FHIT: variants seen among roughly 807,000 people sequenced by gnomAD.
FHIT encodes the protein fragile histidine triad diadenosine triphosphatase.
Under a neutral mutation model 17.9 loss-of-function variants are expected in FHIT, and 19 were observed. The observed-to-expected ratio is 1.06, with a 90% CI of 0.74 to 1.56. The LOEUF (loss-of-function observed/expected upper bound fraction) is 1.56. Among genes scored for constraint, FHIT ranks in the 40% most tolerant of loss-of-function variants. The pLI is 0.00. For missense variants in FHIT, 248 were observed against 189.2 expected, an observed-to-expected ratio of 1.31 and a Z score of -1.82; for synonymous variants, 81 against 69.7, an observed-to-expected ratio of 1.16 and a Z score of -0.81.
chr3:60,962,937 G>A (rs964690397), intron 3 of FHIT, among the ~76,000 whole-genome samples: 3 of 152,202 alleles, frequency 2.0e-5, no homozygotes. Context: ...GACAATGCTG[G>A]CCGCATAAAA....
chr3:60,583,588 A>G (rs782378855), intron 4 of FHIT, among the ~76,000 whole-genome samples: 11 of 152,022 alleles, frequency 7.2e-5, no homozygotes, highest in South Asian at 2.1e-4. Context: ...ATGTGTCACC[A>G]ATTATTATTC....
intron 4 of FHIT, among the ~76,000 whole-genome samples, chr3:60,649,149 G>A (rs1403366356): frequency 6.6e-6 from 1 of 152,178 alleles, no homozygotes; most frequent in Non-Finnish European, 1.5e-5. Flanking sequence ...TGTAATCCCA[G>A]CACTTTGGGA....
At chr3:59,759,039 T>C (rs1234628174) in intron 8 of FHIT, among the ~76,000 whole-genome samples, 2 of 152,010 alleles carry the variant, frequency 1.3e-5, no homozygotes, top group Non-Finnish European at 2.9e-5. Context: ...GGCAGGCTTT[T>C]AAAGGAAGGC....
intron 3 of FHIT, among the ~76,000 whole-genome samples, chr3:60,880,742 AAC>A (rs1704930972): frequency 2.0e-5 from 1 of 50,100 alleles, no homozygotes; most frequent in Non-Finnish European, 6.9e-5. Flanking sequence ...AAAAACAAAC[AAC>A]AACAACAACA....
intron 4 of FHIT, among the ~76,000 whole-genome samples, chr3:60,574,429 T>C (rs28448293): frequency 0.31 from 46,254 of 151,298 alleles, 7,280 homozygotes; most frequent in Admixed American, 0.39. Context: ...TAATGCCAAC[T>C]GTTGCTGTAT....
chr3:60,436,334 G>A (rs763486989), intron 5 of FHIT, among the ~76,000 whole-genome samples: 13 of 152,076 alleles, frequency 8.5e-5, no homozygotes, highest in Non-Finnish European at 1.6e-4. Flanking sequence ...ACAGGTGTGA[G>A]CCACCACACC....
chr3:60,732,379 TCTC>T (rs1228940003), intron 4 of FHIT: 3 of 805,060 alleles, frequency 3.7e-6, no homozygotes, highest in Non-Finnish European at 6.7e-6. Context: ...AGGATGAAGT[TCTC>T]CTCATCAAAT....
intron 5 of FHIT, among the ~76,000 whole-genome samples, chr3:60,094,001 G>C (rs1394914014): frequency 6.6e-6 from 1 of 152,070 alleles, no homozygotes; most frequent in Non-Finnish European, 1.5e-5. Flanking sequence ...TAAGGTGTGA[G>C]AATCCTATCT....
intron 5 of FHIT, among the ~76,000 whole-genome samples, chr3:60,369,623 T>C (rs1361030533): frequency 6.6e-6 from 1 of 152,198 alleles, no homozygotes; most frequent in Non-Finnish European, 1.5e-5. Flanking sequence ...AGTGGGCCTA[T>C]TTGGTTTTAT....
At chr3:60,088,955 G>A (rs988443575) in intron 5 of FHIT, among the ~76,000 whole-genome samples, 1 of 152,166 alleles carries the variant, frequency 6.6e-6, no homozygotes, top group African/African-American at 2.4e-5. Flanking sequence ...ACAATTTCAA[G>A]GGTATATGCT....
intron 7 of FHIT, among the ~76,000 whole-genome samples, chr3:59,977,862 AG>A (rs1708483087): frequency 1.3e-5 from 2 of 152,208 alleles, no homozygotes; most frequent in African/African-American, 4.8e-5. Flanking sequence ...ACACATTAAA[AG>A]AAAGAGAGTG....
chr3:60,844,295 G>A (rs1403100005), intron 3 of FHIT, among the ~76,000 whole-genome samples: 1 of 152,032 alleles, frequency 6.6e-6, no homozygotes, highest in Admixed American at 6.6e-5. Context: ...AATAAATCAT[G>A]TATATCAACA....
At chr3:61,226,726 CTAT>C (rs1467801485) in intron 1 of FHIT, among the ~76,000 whole-genome samples, 9 of 152,188 alleles carry the variant, frequency 5.9e-5, no homozygotes, top group Non-Finnish European at 7.3e-5. Context: ...AAGTTCACCA[CTAT>C]TAGTTTAGTG....
intron 5 of FHIT, among the ~76,000 whole-genome samples, chr3:60,535,131 C>T (rs2594258): frequency 0.72 from 109,991 of 152,062 alleles, 40,159 homozygotes; most frequent in African/African-American, 0.81. Flanking sequence ...GGCTGTGGCA[C>T]AAGAATCGGT....
At chr3:61,204,149 CTG>C (rs1226961235) in intron 1 of FHIT, among the ~76,000 whole-genome samples, 1 of 152,040 alleles carries the variant, frequency 6.6e-6, no homozygotes, top group Non-Finnish European at 1.5e-5. Context: ...AAAATAAATA[CTG>C]TGTTGTTTTT....
intron 5 of FHIT, among the ~76,000 whole-genome samples, chr3:60,036,564 T>C (rs1035507223): frequency 2.0e-5 from 3 of 152,182 alleles, no homozygotes; most frequent in Non-Finnish European, 4.4e-5. Context: ...ATCATAAAGA[T>C]ACTTAAAACA....
At chr3:59,850,253 A>G (rs1208769227) in intron 8 of FHIT, among the ~76,000 whole-genome samples, 1 of 152,212 alleles carries the variant, frequency 6.6e-6, no homozygotes, top group Non-Finnish European at 1.5e-5. Context: ...CAGTGGACAA[A>G]TGTTTTAATT....
intron 1 of FHIT, among the ~76,000 whole-genome samples, chr3:61,210,845 T>A (rs540549481): frequency 2.6e-5 from 4 of 151,998 alleles, no homozygotes; most frequent in African/African-American, 9.6e-5. Flanking sequence ...CCCAGTGAGA[T>A]GAACCTGGTA....
Position 61,110,613 on chromosome 3 carries a change from C to G in FHIT, c.-163-68514G>C, listed in dbSNP as rs150483978. Among the ~76,000 whole-genome samples, 191 of 152,212 alleles carry G rather than the reference C, an allele frequency of 1.3e-3. 1 individual carries two copies. Among genetic ancestry groups the G allele is most frequent in the African/African-American group, 4.4e-3 (184 of 41,546 alleles). On this transcript the variant is annotated intron_variant, in intron 2 of 9. Transcript: ENST00000492590. ...TTGCATAGGGGCATGGTCTGTTCTA[C>G]TCATTCTTCTGCCTAGAATAGGATC...
Sources: gnomAD v4.1 joint callset for allele counts (sites outside exome capture counted in the v4.1 genomes callset) on GRCh38, gnomAD v4.1.1 for gene constraint, MANE v1.5 for transcripts, NCBI Gene and HGNC (gene_info 2026-07-23, HGNC 2026-07-21) for gene names.